GAD1: variants seen among roughly 807,000 people sequenced by gnomAD.
GAD1 encodes 67 kDa glutamic acid decarboxylase.
A neutral mutation model predicts 75.2 loss-of-function variants in GAD1; 35 were observed. That is an observed-to-expected ratio of 0.47 (90% CI 0.36 to 0.62). The LOEUF is 0.62. GAD1 is among the 20% of genes least tolerant of loss of function. The pLI, the probability that GAD1 is intolerant of heterozygous loss-of-function variation, is 0.00. For synonymous variants in GAD1, 257 were observed against 271.9 expected, an observed-to-expected ratio of 0.95 and a Z score of 0.54; for missense variants, 490 against 758.5, an observed-to-expected ratio of 0.65 and a Z score of 4.16.
intron 6 of GAD1, chr2:170,842,658 A>G (rs1308727954): frequency 1.9e-6 from 3 of 1,613,932 alleles, no homozygotes; most frequent in Non-Finnish European, 2.5e-6. Context: ...GGTGATGGTA[A>G]CTGCACACAT....
intron 3 of GAD1, chr2:170,829,228 G>A: frequency 1.8e-6 from 1 of 543,184 alleles, no homozygotes; most frequent in Non-Finnish European, 3.3e-6. Context: ...TCAGAGAGGA[G>A]AACGGGCTTC....
chr2:170,830,534 G>A (rs1303627974), intron 4 of GAD1, among the ~76,000 whole-genome samples: 6 of 152,212 alleles, frequency 3.9e-5, no homozygotes, highest in African/African-American at 1.4e-4. Context: ...TACCCACAGA[G>A]GCCTTACCCT....
intron 5 of GAD1, among the ~76,000 whole-genome samples, 183 bp from the exon 6 acceptor site, chr2:170,836,610 A>AT (rs1702382538): frequency 6.6e-6 from 1 of 152,184 alleles, no homozygotes; most frequent in South Asian, 2.1e-4. Context: ...GACATTATGA[A>AT]TGTTAATGTT....
intron 2 of GAD1, among the ~76,000 whole-genome samples, chr2:170,820,514 G>A (rs538107239): frequency 2.0e-5 from 3 of 152,162 alleles, no homozygotes; most frequent in African/African-American, 4.8e-5. Context: ...ACCTTTGCCC[G>A]CCCAGCTGGC....
In GAD1 at chr2:170,818,540, G is replaced by C. The variant is rs559047417; in HGVS notation, c.-52G>C. On this transcript the variant is annotated 5_prime_UTR_variant, in exon 2 of 17. Coordinates refer to ENST00000358196, the MANE Select transcript of GAD1 (RefSeq NM_000817.3). This position sits in a 1 kb window ranked among gnomAD's most constrained non-coding sequence, Gnocchi z 5.9. ...GCTTCTCTTTGCAGCCTGTTTCTGC[G>C]CCGGACCAGTCGAGGACTCTGGACA... 1.3e-6 allele frequency: 2 copies of C among 1,529,124 alleles called. No homozygotes were observed. Among genetic ancestry groups the C allele is most frequent in the Admixed American group, 1.7e-5 (1 of 59,908 alleles). 94.7% of individuals were successfully genotyped at this position (1,529,124 alleles called of 1,614,324 possible).
In GAD1 at chr2:170,836,789, C is replaced by G; in HGVS notation, c.548-4C>G. ...GCCTTGATGCTTTTCTGTTTCCTAT[C>G]TAGGTCATCCTCGATTTTTCAACCA... On this transcript the variant is annotated splice_region_variant and splice_polypyrimidine_tract_variant and intron_variant, in intron 5 of 16. Coordinates refer to ENST00000358196, the MANE Select transcript of GAD1 (RefSeq NM_000817.3). The G allele has an allele frequency of 1.2e-6, 2 of 1,609,566 alleles. No homozygotes were observed. The highest frequency in any genetic ancestry group is 1.7e-6 in the Non-Finnish European group (2 of 1,175,850).
At position 170,847,749 on chromosome 2, in the gene GAD1, T is replaced by C. The variant is rs1176458069; in HGVS notation, c.1076T>C (p.Ile359Thr). 11 of 1,614,062 alleles carry C rather than the reference T, an allele frequency of 6.8e-6. No individual in the cohort carries two copies. The highest frequency in any genetic ancestry group is 8.5e-6 in the Non-Finnish European group (10 of 1,179,986). Residue 359 changes from isoleucine (I) to threonine (T), a missense_variant, in exon 11 of 17, where the codon ATT (isoleucine) becomes ACT (threonine). Physicochemically the swap from Ile to Thr is moderately conservative, Grantham distance 89 (BLOSUM62 -1). Coordinates refer to ENST00000358196, the MANE Select transcript of GAD1 (RefSeq NM_000817.3). The stretch of plus-strand genomic sequence containing the variant: ...GGAGCTTTTGATCCGATACAAGAGA[T>C]TGCAGATATATGTGAGAAATATAAC... Reference protein sequence around the residue: ...VYGAFDPIQEIADICEKYNLW... With the variant: ...VYGAFDPIQETADICEKYNLW...
intron 3 of GAD1, among the ~76,000 whole-genome samples, chr2:170,827,267 TG>T (rs1337406243): frequency 7.2e-5 from 11 of 152,366 alleles, no homozygotes; most frequent in Middle Eastern, 6.8e-3. Context: ...CTTGCCTTTT[TG>T]CACCTCTTGG....
chr2:170,842,718 T>G, intron 6 of GAD1: 5 of 1,604,388 alleles, frequency 3.1e-6, no homozygotes, highest in Non-Finnish European at 4.3e-6. Flanking sequence ...CCAAGGAAAA[T>G]GGACATATTC....
chr2:170,844,139 G>A lies in GAD1; in HGVS notation c.733G>A (p.Asp245Asn), dbSNP rs2105797848. The change falls in exon 7 of 17, where the codon GAT becomes AAT. Residue 245 changes from aspartate to asparagine, a missense_variant. Around this residue, in one of 3 missense-constraint regions of GAD1, gnomAD observed 324 missense variants for 523.9 expected, o/e 0.62. Transcript: ENST00000358196. ...AGTTGGATGGTCAAGTAAAGATGGT[G>A]ATGGGATATTTTCTCCTGGTAGGTT... ...EIVGWSSKDG[D>N]GIFSPGGAIS... The A allele has an allele frequency of 6.3e-7, 1 of 1,588,664 alleles. No homozygotes were observed. Among genetic ancestry groups the A allele is most frequent in the Non-Finnish European group, 8.6e-7 (1 of 1,156,836 alleles).
chr2:170,854,980 A>G (rs1017597374), intron 14 of GAD1, among the ~76,000 whole-genome samples: 1 of 152,224 alleles, frequency 6.6e-6, no homozygotes, highest in Non-Finnish European at 1.5e-5. Flanking sequence ...ATTTGTTTCA[A>G]AAATATTTGT....
At position 170,831,130 on chromosome 2, in the gene GAD1, C is replaced by T. The variant is rs374413832; in HGVS notation, c.485C>T (p.Pro162Leu). ...EGFNLELSDH[P>L]ESLEQILVDC... ...TTCAACTTGGAGCTCTCTGACCACC[C>T]CGAGTCCCTGGAGCAGATCCTGGTT... Residue 162 changes from proline to leucine, a missense_variant, in exon 5 of 17, where the codon CCC becomes CTC. Pro to Leu is a moderately conservative substitution (Grantham distance 98). Around this residue, in one of 3 missense-constraint regions of GAD1, gnomAD observed 165 missense variants for 216.4 expected, o/e 0.76. Coordinates refer to ENST00000358196, the MANE Select transcript of GAD1 (RefSeq NM_000817.3). The T allele has an allele frequency of 6.2e-7, 1 of 1,614,172 alleles. No individual in the cohort carries two copies. Among genetic ancestry groups the T allele is most frequent in the Non-Finnish European group, 8.5e-7 (1 of 1,180,040 alleles).
At chr2:170,846,581 C>A (rs1163057510) in intron 10 of GAD1, among the ~76,000 whole-genome samples, 3 of 152,240 alleles carry the variant, frequency 2.0e-5, no homozygotes, top group Non-Finnish European at 2.9e-5. Flanking sequence ...CACTTACCAA[C>A]ACATGGTTGT....
chr2:170,820,855 C>T (rs1701858112), intron 2 of GAD1, among the ~76,000 whole-genome samples: 1 of 152,232 alleles, frequency 6.6e-6, no homozygotes, highest in Middle Eastern at 3.2e-3. Context: ...ATCAACACTC[C>T]TGCCAGTTTC....
chr2:170,826,853 G>A (rs1702037964), intron 3 of GAD1, among the ~76,000 whole-genome samples: 1 of 152,220 alleles, frequency 6.6e-6, no homozygotes, highest in Non-Finnish European at 1.5e-5. Context: ...TGGGATGAGA[G>A]GAGCAGTCTC....
upstream of GAD1, among the ~76,000 whole-genome samples, chr2:170,815,812 C>T (rs1701684918): frequency 6.6e-6 from 1 of 152,240 alleles, no homozygotes; most frequent in Admixed American, 6.5e-5. Context: ...GGCGCGTAAC[C>T]GTCTGGCCAG....
chr2:170,853,627 C>T lies in GAD1; in HGVS notation c.1264-246C>T. 1 of 485,938 alleles carries T rather than the reference C, an allele frequency of 2.1e-6. No homozygotes were observed. The highest frequency in any genetic ancestry group is 2.0e-5 in the South Asian group (1 of 49,454). The allele number at this position is 485,938 out of a possible 1,614,324, so 30.1% of individuals were successfully genotyped here. ...TCCCAGACACCCATACACATTTCCC[C>T]TTAGAGGGATGGCATCTGAGACGGA... On this transcript the variant is annotated intron_variant, in intron 13 of 16. Coordinates refer to ENST00000358196, the MANE Select transcript of GAD1 (RefSeq NM_000817.3). The surrounding 1 kb of genome is among the most constrained non-coding windows in gnomAD (Gnocchi z 4.1).
At chr2:170,817,698 C>A (rs1701746568) in intron 1 of GAD1, 1 of 152,368 alleles carries the variant, frequency 6.6e-6, no homozygotes, top group South Asian at 2.1e-4. Context: ...TCCCCGGTGA[C>A]GTTCCCCATG....
intron 11 of GAD1, chr2:170,848,543 A>G: frequency 2.7e-6 from 1 of 373,004 alleles, no homozygotes. Context: ...TGCTACATTT[A>G]GGAAAAATAA....
Sources: gnomAD v4.1 joint callset for allele counts (sites outside exome capture counted in the v4.1 genomes callset) on GRCh38, gnomAD v4.1.1 for gene constraint, gnomAD v4.1.1 regional missense constraint, Gnocchi (gnomAD v3.1) non-coding constraint, MANE v1.5 for transcripts, NCBI Gene and HGNC (gene_info 2026-07-23, HGNC 2026-07-21) for gene names.